The following PCDHA8 variants were observed in gnomAD, a reference collection of about 807,000 sequenced individuals.
PCDHA8 encodes the protein protocadherin alpha-8.
In PCDHA8, 53 loss-of-function variants were observed where a neutral mutation model predicts 61.8. That is an observed-to-expected ratio of 0.86 (90% CI 0.69 to 1.08). PCDHA8 has a LOEUF of 1.08. PCDHA8 is among the 50% of genes least tolerant of loss of function. The probability of loss-of-function intolerance (pLI) is 0.00; values close to 1 mark genes in which losing one functional copy is unlikely to be tolerated. For synonymous variants in PCDHA8, 618 were observed against 556.6 expected (o/e 1.11, Z -1.55); for missense variants, 1,293 against 1,245.0 (o/e 1.04, Z -0.58).
In PCDHA8 at chr5:140,981,654, ATTTCTTCCTTCC is replaced by A. The variant is rs563193906; in HGVS notation, c.2454-807_2454-796del. Among the ~76,000 whole-genome samples the A allele has an allele frequency of 1.4e-4, 22 of 152,142 alleles. No individual in the cohort carries two copies. In the East Asian group the frequency reaches 3.9e-3, roughly 27 times the overall value. On this transcript the variant is annotated intron_variant, in intron 2 of 3. Coordinates refer to ENST00000531613, the MANE Select transcript of PCDHA8 (RefSeq NM_018911.3). ...GACATTTTCTCTTAGGATCCCACTTATTTCTTCCTTCCTTTCTTCCTTCCTCCCTTCCATCAT... is the reference window on the plus strand; with the variant it reads ...GACATTTTCTCTTAGGATCCCACTTATTTCTTCCTTCCTCCCTTCCATCAT...
chr5:140,926,311 G>C (rs2030500500), intron 1 of PCDHA8: 1 of 152,272 alleles, frequency 6.6e-6, no homozygotes, highest in South Asian at 2.1e-4. Flanking sequence ...CTCCGCCGGA[G>C]AGGTGCGCCG....
chr5:140,978,545 T>C (rs1478928718), intron 1 of PCDHA8, among the ~76,000 whole-genome samples: 2 of 152,258 alleles, frequency 1.3e-5, no homozygotes, highest in Non-Finnish European at 2.9e-5. Context: ...TGTGTAGCCA[T>C]GTGCCCTGTT....
chr5:140,857,412 C>T lies in PCDHA8; in HGVS notation c.2394+13697C>T, dbSNP rs782751627. On this transcript the variant is annotated intron_variant, in intron 1 of 3. Transcript: ENST00000531613. ...GTGAACGACAACGCGCCTGCGTTCGCGCAGTCCGAGTACACGGTGTTCGTG... is the reference window on the plus strand; with the variant it reads ...GTGAACGACAACGCGCCTGCGTTCGTGCAGTCCGAGTACACGGTGTTCGTG... 19 of 1,598,336 alleles carry T rather than the reference C, an allele frequency of 1.2e-5. 1 individual carries two copies. Among genetic ancestry groups the T allele is most frequent in the Non-Finnish European group, 1.4e-5 (16 of 1,167,836 alleles).
chr5:140,862,315 C>T, intron 1 of PCDHA8: 1 of 317,364 alleles, frequency 3.2e-6, no homozygotes, highest in Non-Finnish European at 6.2e-6. Context: ...CCGTCATAGC[C>T]CTAATCAGTG....
rs995118768 is a variant in PCDHA8 at position 140,943,957 on chromosome 5, T to G, written c.2395-34992T>G. Among the ~76,000 whole-genome samples the G allele has an allele frequency of 2.6e-5, 4 of 152,224 alleles. No individual in the cohort carries two copies. The South Asian group carries it at 8.3e-4, about 32-fold the overall frequency. On this transcript the variant is annotated intron_variant, in intron 1 of 3. Coordinates refer to ENST00000531613, the MANE Select transcript of PCDHA8 (RefSeq NM_018911.3). ...TGTGGTTATAGGAGAAGCAGTGAAT[T>G]AAAGAGTTAAAGTAATTAAGAAAAC... is the stretch of plus-strand genomic sequence containing the variant.
At chr5:140,900,032 A>G (rs1439772684) in intron 1 of PCDHA8, among the ~76,000 whole-genome samples, 1 of 151,930 alleles carries the variant, frequency 6.6e-6, no homozygotes, top group Non-Finnish European at 1.5e-5. Context: ...TTGGCCTTGA[A>G]TTCCTGGGCT....
intron 1 of PCDHA8, chr5:140,928,771 A>C: frequency 6.2e-7 from 1 of 1,613,998 alleles, no homozygotes; most frequent in Non-Finnish European, 8.5e-7. Context: ...AGTTCTTCCC[A>C]CTGATGCAGT....
chr5:140,954,046 G>C (rs1554221229), intron 1 of PCDHA8, among the ~76,000 whole-genome samples: 1 of 152,124 alleles, frequency 6.6e-6, no homozygotes, highest in African/African-American at 2.4e-5. Context: ...TTGGTTTTCT[G>C]TTCCTGCATT....
chr5:140,843,295 G>T lies in PCDHA8; in HGVS notation c.1974G>T (p.Ala658=). ...TGGTGAAGGATCATGGTGAACCTGC[G>T]CTGACCGCCACGGCCACGGTTCTGG... ...LVLVKDHGEP[A]LTATATVLVS... The change falls in exon 1 of 4, where the codon GCG becomes GCT. Residue 658 remains alanine, a synonymous_variant. Coordinates refer to ENST00000531613, the MANE Select transcript of PCDHA8 (RefSeq NM_018911.3). 1 of 1,595,950 alleles carries T rather than the reference G, an allele frequency of 6.3e-7. No homozygotes were observed. Among genetic ancestry groups the T allele is most frequent in the African/African-American group, 1.3e-5 (1 of 74,536 alleles).
intron 1 of PCDHA8, among the ~76,000 whole-genome samples, chr5:140,959,348 G>A (rs991931151): frequency 7.2e-5 from 11 of 151,992 alleles, no homozygotes; most frequent in Middle Eastern, 6.3e-3. Flanking sequence ...GCACTCCAGC[G>A]GGACAACTGA....
chr5:140,926,972 C>T (rs782504064), intron 1 of PCDHA8: 1 of 1,609,464 alleles, frequency 6.2e-7, no homozygotes. Context: ...TACTCAGTGC[C>T]GGAGGAGACG....
intron 1 of PCDHA8, chr5:140,857,580 C>A (rs782567056): frequency 6.3e-7 from 1 of 1,596,630 alleles, no homozygotes; most frequent in South Asian, 1.1e-5. Context: ...TCGGTGCACG[C>A]GGAGAGCGGC....
intron 1 of PCDHA8, among the ~76,000 whole-genome samples, chr5:140,921,352 T>C (rs889434892): frequency 6.6e-6 from 1 of 152,190 alleles, no homozygotes; most frequent in Non-Finnish European, 1.5e-5. Context: ...TATATTTGCC[T>C]ATATTCAAGT....
At chr5:140,901,297 T>C (rs1224181769) in intron 1 of PCDHA8, among the ~76,000 whole-genome samples, 1 of 152,234 alleles carries the variant, frequency 6.6e-6, no homozygotes, top group Non-Finnish European at 1.5e-5. Context: ...CAGACTGATG[T>C]TCCGGAGAGT....
chr5:140,971,692 C>T (rs2096492766), intron 1 of PCDHA8, among the ~76,000 whole-genome samples: 1 of 152,116 alleles, frequency 6.6e-6, no homozygotes, highest in South Asian at 2.1e-4. Context: ...TTTGTACTCA[C>T]TAACCACCCT....
chr5:140,865,920 G>A (rs1282584078), intron 1 of PCDHA8: 2 of 152,110 alleles, frequency 1.3e-5, no homozygotes, highest in African/African-American at 2.4e-5. Flanking sequence ...TTTCTGTTGT[G>A]CTTAGAAGAA....
intron 1 of PCDHA8, chr5:140,864,534 T>A (rs1554158965): frequency 6.6e-6 from 1 of 152,246 alleles, no homozygotes; most frequent in Non-Finnish European, 1.5e-5. Flanking sequence ...TTAATTTTTG[T>A]CTTCAATCTT....
At chr5:140,940,564 T>G (rs1481591678) in intron 1 of PCDHA8, among the ~76,000 whole-genome samples, 2 of 152,228 alleles carry the variant, frequency 1.3e-5, no homozygotes, top group African/African-American at 4.8e-5. Flanking sequence ...TTCTCCTACC[T>G]TGGCTCCCAA....
intron 1 of PCDHA8, chr5:140,852,731 C>G: frequency 1.0e-6 from 1 of 983,362 alleles, no homozygotes; most frequent in Non-Finnish European, 1.2e-6. Context: ...TTTCAAGTTT[C>G]ATGTGCCATT....
Sources: allele counts gnomAD v4.1 joint callset (sites outside exome capture counted in the v4.1 genomes callset), GRCh38; gene constraint gnomAD v4.1.1; transcripts MANE v1.5; gene names NCBI Gene and HGNC (gene_info 2026-07-23, HGNC 2026-07-21).